The following MYSM1 variants were observed in gnomAD, a reference collection of about 807,000 sequenced individuals.
The protein encoded by MYSM1 is deubiquitinase MYSM1.
Under a neutral mutation model 116.0 loss-of-function variants are expected in MYSM1, and 51 were observed. That is an observed-to-expected ratio of 0.44 (90% CI 0.35 to 0.56). MYSM1 has a LOEUF of 0.56. MYSM1 is among the 20% of genes least tolerant of loss of function. The pLI is 0.00. For synonymous variants in MYSM1, 313 were observed against 315.2 expected (o/e 0.99, Z 0.07); for missense variants, 900 against 974.9 (o/e 0.92, Z 1.02).
chr1:58,680,749 A>G (rs1014891957), intron 8 of MYSM1, among the ~76,000 whole-genome samples: 4 of 152,246 alleles, frequency 2.6e-5, no homozygotes, highest in Admixed American at 2.0e-4. Flanking sequence ...GGAACTAGGA[A>G]GCTCTCTGTA....
intron 7 of MYSM1, 149 bp from the exon 8 acceptor site, chr1:58,682,694 CTTTTCTTTTTTTT>C (rs1223075375): frequency 3.6e-6 from 1 of 279,364 alleles, no homozygotes; most frequent in Non-Finnish European, 5.7e-6. Flanking sequence ...TCTTTTTTTT[CTTTTCTTTTTTTT>C]TTTTTTGAGA....
chr1:58,693,295 TCTC>T (rs1282009187), intron 2 of MYSM1, among the ~76,000 whole-genome samples: 2 of 152,066 alleles, frequency 1.3e-5, no homozygotes, highest in Non-Finnish European at 2.9e-5. Context: ...CACCACTAAC[TCTC>T]CTTTTTCCTC....
chr1:58,681,160 T>C (rs1315112248), intron 8 of MYSM1, among the ~76,000 whole-genome samples: 4 of 152,214 alleles, frequency 2.6e-5, no homozygotes, highest in South Asian at 2.1e-4. Flanking sequence ...GATGGTTTAA[T>C]TAAGCTGTTT....
At chr1:58,668,834 T>C in intron 13 of MYSM1, 150 bp downstream of exon 13, 2 of 986,532 alleles carry the variant, frequency 2.0e-6, no homozygotes, top group Non-Finnish European at 3.0e-6. Context: ...TTTAAAACAT[T>C]ATGATTTAAA....
At chr1:58,681,746 A>G in intron 8 of MYSM1, 39 bp downstream of exon 8, 1 of 1,513,444 alleles carries the variant, frequency 6.6e-7, no homozygotes, top group South Asian at 1.4e-5. Flanking sequence ...TCAGAATATC[A>G]CGTTTTAAAA....
chr1:58,688,038 T>A (rs1644854104), intron 6 of MYSM1, among the ~76,000 whole-genome samples: 1 of 152,034 alleles, frequency 6.6e-6, no homozygotes, highest in Non-Finnish European at 1.5e-5. Flanking sequence ...TTGTTAGGAA[T>A]CTTAAATAAA....
rs575207978 is a variant in MYSM1, at chr1:58,699,962, G to A, written c.68+23C>T. 265 of 1,613,294 alleles carry A rather than the reference G, an allele frequency of 1.6e-4. 3 individuals carry two copies. The South Asian group carries it at 2.5e-3, about 15-fold the overall frequency. On this transcript the variant is annotated intron_variant, in intron 1 of 19. Transcript: ENST00000472487. ...AATCCACTCCCCTCTCCGCCCCAGAGAGACCCGGTCTCTAAGCCTCACCCT... is the reference window on the plus strand; with the variant it reads ...AATCCACTCCCCTCTCCGCCCCAGAAAGACCCGGTCTCTAAGCCTCACCCT...
Position 58,661,427 on chromosome 1 carries a change from T to C in MYSM1, c.2249A>G (p.Glu750Gly), listed in dbSNP as rs1192171918. The part of the protein sequence containing the change: ...LVFEKTRWII[E>G]KYRLSHSSVP... The stretch of plus-strand genomic sequence containing the variant: ...ATACCTATGGGAGAGCCTGTATTTT[T>C]CTATTATCCATCTTGTCTTTTCAAA... Residue 750 changes from glutamate (E) to glycine (G), a missense_variant, in exon 18 of 20, where the codon GAA (glutamate) becomes GGA (glycine). By Grantham distance (98) the Glu-to-Gly change is moderately conservative (BLOSUM62 -2). This residue lies in a region of MYSM1 where 186 missense variants were observed against 196.2 expected (regional missense o/e 0.95). Coordinates refer to ENST00000472487, the MANE Select transcript of MYSM1 (RefSeq NM_001085487.3). The C allele has an allele frequency of 1.0e-5, 16 of 1,592,112 alleles. No individual in the cohort carries two copies. The highest frequency in any genetic ancestry group is 1.7e-4 in the Middle Eastern group (1 of 6,028).
intron 8 of MYSM1, among the ~76,000 whole-genome samples, chr1:58,680,201 G>A (rs1299007850): frequency 2.0e-5 from 3 of 152,104 alleles, no homozygotes; most frequent in Non-Finnish European, 4.4e-5. Context: ...TCATTAGTGT[G>A]AATTAGGCCA....
chr1:58,677,169 T>A, intron 8 of MYSM1, 113 bp from the exon 9 acceptor site: 1 of 851,542 alleles, frequency 1.2e-6, no homozygotes, highest in Non-Finnish European at 1.8e-6. Context: ...CCTTTCAATG[T>A]ATAAATGTGT....
Position 58,660,163 on chromosome 1 carries a change from A to G in MYSM1, c.2329-8T>C. 6.6e-7 allele frequency: 1 copy of G among 1,513,468 alleles called. No individual in the cohort carries two copies. Among genetic ancestry groups the G allele is most frequent in the Non-Finnish European group, 8.8e-7 (1 of 1,130,506 alleles). 93.8% of individuals were successfully genotyped at this position (1,513,468 alleles called of 1,614,324 possible). On this transcript the variant is annotated splice_polypyrimidine_tract_variant and splice_region_variant and intron_variant, in intron 19 of 19. Transcript: ENST00000472487. ...CCTCATACACTCCAAAAGCTAGTTGAAAAGAAAAGTTTTATATTTAAATAC... is the reference window on the plus strand; with the variant it reads ...CCTCATACACTCCAAAAGCTAGTTGGAAAGAAAAGTTTTATATTTAAATAC...
rs1422623494 is a variant in MYSM1 at position 58,682,408 on chromosome 1, T to G, written c.636A>C (p.Val212=). 1 of 1,614,078 alleles carries G rather than the reference T, an allele frequency of 6.2e-7. No homozygotes were observed. Among genetic ancestry groups the G allele is most frequent in the Non-Finnish European group, 8.5e-7 (1 of 1,180,044 alleles). ...RGRADPNLNA[V]KIEKLSDDEE... is the part of the protein sequence containing the mutation. ...CATCATCAGATAACTTTTCAATTTT[T>G]ACAGCATTCAAGTTGGGATCAGCAC... The change falls in exon 8 of 20, where the codon GTA becomes GTC. Residue 212 remains valine (V), a synonymous_variant. Transcript: ENST00000472487.
chr1:58,696,041 T>C (rs1644969509), intron 1 of MYSM1, among the ~76,000 whole-genome samples: 2 of 152,224 alleles, frequency 1.3e-5, no homozygotes, highest in Non-Finnish European at 2.9e-5. Flanking sequence ...ATCTGAATCT[T>C]TAATTAGGCA....
intron 19 of MYSM1, 89 bp downstream of exon 19, chr1:58,661,081 A>G: frequency 1.1e-6 from 1 of 892,478 alleles, no homozygotes; most frequent in Admixed American, 2.3e-5. Flanking sequence ...AATTATCCAC[A>G]AAGTATTAGG....
intron 8 of MYSM1, 54 bp from the exon 9 acceptor site, chr1:58,677,110 G>T: frequency 6.8e-7 from 1 of 1,474,432 alleles, no homozygotes; most frequent in Non-Finnish European, 9.2e-7. Flanking sequence ...CGTGAAAAAA[G>T]ATTTCTGGGG....
At chr1:58,678,821 C>T (rs2100639842) in intron 8 of MYSM1, among the ~76,000 whole-genome samples, 1 of 152,240 alleles carries the variant, frequency 6.6e-6, no homozygotes, top group South Asian at 2.1e-4. Flanking sequence ...GGAAGAACAT[C>T]CAAAGCAGAG....
chr1:58,698,102 A>ATATATATATATATATATTTT, intron 1 of MYSM1, among the ~76,000 whole-genome samples: 4 of 7,776 alleles, frequency 5.1e-4, no homozygotes, highest in African/African-American at 7.7e-4. Context: ...ATATATATAT[A>ATATATATATATATATATTTT]TTTTTTTTTT....
chr1:58,678,599 G>A (rs905171398), intron 8 of MYSM1, among the ~76,000 whole-genome samples: 16 of 152,140 alleles, frequency 1.1e-4, no homozygotes, highest in South Asian at 2.1e-4. Flanking sequence ...CTGCCCTCAT[G>A]TTGCCTGCAT....
chr1:58,687,075 T>TTC, intron 6 of MYSM1, among the ~76,000 whole-genome samples: 1 of 152,106 alleles, frequency 6.6e-6, no homozygotes, highest in East Asian at 1.9e-4. Flanking sequence ...AAAGCCTTTC[T>TTC]TCATCAATCA....
Sources: gnomAD v4.1 joint callset for allele counts (sites outside exome capture counted in the v4.1 genomes callset) on GRCh38, gnomAD v4.1.1 for gene constraint, gnomAD v4.1.1 regional missense constraint, MANE v1.5 for transcripts, NCBI Gene and HGNC (gene_info 2026-07-23, HGNC 2026-07-21) for gene names.